The following CDH23 variants were observed in gnomAD, a reference collection of about 807,000 sequenced individuals.
The protein encoded by CDH23 is cadherin related 23.
CDH23 carries 189 observed loss-of-function variants against 317.1 expected under a neutral mutation model. The observed-to-expected ratio is 0.60, with a 90% CI of 0.53 to 0.67. The LOEUF (loss-of-function observed/expected upper bound fraction) is 0.67. Among genes scored for constraint, CDH23 ranks in the 30% least tolerant of loss-of-function variants. The probability of loss-of-function intolerance (pLI) is 0.00; values close to 1 mark genes in which losing one functional copy is unlikely to be tolerated. For missense variants in CDH23, 4,401 were observed against 4,592.4 expected, an observed-to-expected ratio of 0.96 and a Z score of 1.20; for synonymous variants, 1,839 against 1,876.8, an observed-to-expected ratio of 0.98 and a Z score of 0.52.
chr10:71,414,098 T>G (rs921767906), intron 1 of CDH23, among the ~76,000 whole-genome samples: 1 of 150,976 alleles, frequency 6.6e-6, no homozygotes, highest in Non-Finnish European at 1.5e-5. Context: ...TGTTAGAGTT[T>G]TTTGCATGTA....
intron 44 of CDH23, 54 bp from the exon 45 acceptor site, chr10:71,788,886 T>C: frequency 1.1e-6 from 1 of 894,300 alleles, no homozygotes; most frequent in Non-Finnish European, 1.9e-6. Flanking sequence ...CCCACCTAGG[T>C]GGGGGCACTT....
chr10:71,561,869 G>C (rs528399178), intron 6 of CDH23, among the ~76,000 whole-genome samples: 4 of 152,096 alleles, frequency 2.6e-5, no homozygotes, highest in Admixed American at 2.6e-4. Context: ...GAGGGGAGGA[G>C]GGAAGCAGGG....
rs905344524 is a variant in CDH23 at position 71,798,523 on chromosome 10, C to T, written c.6999C>T (p.Tyr2333=). The T allele has an allele frequency of 1.9e-6, 3 of 1,613,856 alleles. No individual in the cohort carries two copies. The African/African-American group carries it at 4.0e-5, about 22-fold the overall frequency. ...AGGGCCTTAATGGGCTGGTCACCTA[C>T]ACCCTGCTGGACCTGGTGCCCCCAG... ...PDKGLNGLVT[Y]TLLDLVPPGY... Residue 2333 remains tyrosine (Y), a synonymous_variant, in exon 50 of 70, where the codon TAC becomes TAT. Coordinates refer to ENST00000224721, the MANE Select transcript of CDH23 (RefSeq NM_022124.6).
rs370944611 is a variant in CDH23, at chr10:71,725,393, G to A, written c.3452G>A (p.Arg1151Gln). 9.2e-5 allele frequency: 148 copies of A among 1,613,978 alleles called. No individual in the cohort carries two copies. Among genetic ancestry groups the A allele is most frequent in the African/African-American group, 2.1e-4 (16 of 75,026 alleles). Residue 1151 changes from arginine to glutamine, a missense_variant, in exon 30 of 70, where the codon CGG becomes CAG. Coordinates refer to ENST00000224721, the MANE Select transcript of CDH23 (RefSeq NM_022124.6). The stretch of plus-strand genomic sequence containing the variant: ...ACAGGTAACCATGGCAACAACTTCC[G>A]GATCCATGTCAGCAATGGGCTCCTG... ...ILHGNHGNNFRIHVSNGLLMR... is the reference protein window; with the variant it reads ...ILHGNHGNNFQIHVSNGLLMR...
chr10:71,595,069 C>T (rs746013433), intron 9 of CDH23, among the ~76,000 whole-genome samples: 1 of 152,186 alleles, frequency 6.6e-6, no homozygotes, highest in Non-Finnish European at 1.5e-5. Flanking sequence ...CCTGTGGGGC[C>T]TTGACAAATC....
intron 3 of CDH23, among the ~76,000 whole-genome samples, chr10:71,460,080 T>C (rs1312601813): frequency 6.6e-6 from 1 of 152,170 alleles, no homozygotes; most frequent in Non-Finnish European, 1.5e-5. Flanking sequence ...AACTGAGGCT[T>C]AGAGAGGTTG....
chr10:71,417,359 G>A (rs1479144269), intron 1 of CDH23, among the ~76,000 whole-genome samples: 1 of 152,008 alleles, frequency 6.6e-6, no homozygotes, highest in East Asian at 1.9e-4. Flanking sequence ...TTACAGATCT[G>A]AGCCACCGTG....
chr10:71,569,789 C>T (rs1049639849), intron 7 of CDH23, among the ~76,000 whole-genome samples: 2 of 152,170 alleles, frequency 1.3e-5, no homozygotes, highest in Admixed American at 6.5e-5. Flanking sequence ...CTGTACAAAG[C>T]ACTGCAGTTA....
chr10:71,753,970 G>A (rs1047149736), intron 38 of CDH23: 2 of 436,050 alleles, frequency 4.6e-6, no homozygotes, highest in Middle Eastern at 4.4e-4. Flanking sequence ...TAGAGCTGGG[G>A]AAACTGAGGC....
intron 1 of CDH23, among the ~76,000 whole-genome samples, chr10:71,421,403 C>A (rs1343926876): frequency 6.6e-6 from 1 of 152,186 alleles, no homozygotes; most frequent in South Asian, 2.1e-4. Flanking sequence ...GAGAAAGAGC[C>A]GAGTAAAATT....
intron 20 of CDH23, 69 bp downstream of exon 20, chr10:71,690,653 G>C: frequency 8.9e-7 from 1 of 1,123,710 alleles, no homozygotes; most frequent in Non-Finnish European, 1.3e-6. Flanking sequence ...CCCGGCCCCA[G>C]GACCAGCCTC....
chr10:71,424,069 C>T (rs992152653), intron 1 of CDH23, among the ~76,000 whole-genome samples: 17 of 152,386 alleles, frequency 1.1e-4, no homozygotes, highest in African/African-American at 2.6e-4. Flanking sequence ...GGACTGGACA[C>T]GCATCGCGTG....
At chr10:71,568,980 G>T (rs887934212) in intron 7 of CDH23, among the ~76,000 whole-genome samples, 1 of 152,224 alleles carries the variant, frequency 6.6e-6, no homozygotes, top group Non-Finnish European at 1.5e-5. Flanking sequence ...CAAAAGCCTG[G>T]TTATGGCAAA....
intron 18 of CDH23, 115 bp from the exon 19 acceptor site, chr10:71,687,532 C>A: frequency 2.2e-6 from 2 of 901,300 alleles, no homozygotes; most frequent in South Asian, 1.4e-5. Flanking sequence ...ACGGAGAGGC[C>A]AAAGCTCTTT....
intron 9 of CDH23, among the ~76,000 whole-genome samples, chr10:71,584,114 G>A (rs551712574): frequency 5.8e-4 from 89 of 152,340 alleles, no homozygotes; most frequent in African/African-American, 9.6e-4. Context: ...CTAAAGGAGC[G>A]TGTGTTCTCA....
intron 3 of CDH23, among the ~76,000 whole-genome samples, chr10:71,492,545 A>G (rs116218981): frequency 0.011 from 1,621 of 152,300 alleles, 22 homozygotes; most frequent in African/African-American, 0.032. Context: ...GCAGAGATGG[A>G]ATGGAGTCCT....
Position 71,812,578 on chromosome 10 carries a change from C to CCGACCTGTG in CDH23, c.9480_9488dup (p.Leu3162_Trp3163insCysAspLeu), listed in dbSNP as rs1483126797. The CCGACCTGTG allele has an allele frequency of 6.2e-7, 1 of 1,613,964 alleles. No homozygotes were observed. Among genetic ancestry groups the CCGACCTGTG allele is most frequent in the East Asian group, 2.2e-5 (1 of 44,888 alleles). ...CTACCGGAGAACCTGAGTGAGATCG[C>CCGACCTGTG]CGACCTGTGGAACAGCCCCACGCGC... is the stretch of plus-strand genomic sequence containing the variant. On this transcript the variant is annotated inframe_insertion, in exon 67 of 70. Transcript: ENST00000224721.
At chr10:71,589,420 A>C (rs548944685) in intron 9 of CDH23, among the ~76,000 whole-genome samples, 22 of 152,320 alleles carry the variant, frequency 1.4e-4, no homozygotes, top group African/African-American at 5.1e-4. Context: ...GCCCAGCCTA[A>C]AGCAATTTTT....
At chr10:71,619,897 G>A (rs1039473111) in intron 11 of CDH23, among the ~76,000 whole-genome samples, 1 of 152,194 alleles carries the variant, frequency 6.6e-6, no homozygotes. Context: ...CCATGTACTA[G>A]CTGTGTGACC....
Sources: allele counts gnomAD v4.1 joint callset (sites outside exome capture counted in the v4.1 genomes callset), GRCh38; gene constraint gnomAD v4.1.1; transcripts MANE v1.5; gene names NCBI Gene and HGNC (gene_info 2026-07-23, HGNC 2026-07-21).